LPAR1: variants seen among roughly 807,000 people sequenced by gnomAD.
The protein encoded by LPAR1 is lysophosphatidic acid receptor 1.
A neutral mutation model predicts 23.8 loss-of-function variants in LPAR1; 5 were observed. The ratio of observed to expected loss-of-function variants is 0.21; its 90% CI spans 0.11 to 0.44. LPAR1 has a LOEUF of 0.44. LPAR1 is among the 20% of genes least tolerant of loss of function. The pLI, the probability that LPAR1 is intolerant of heterozygous loss-of-function variation, is 0.99. For missense variants in LPAR1, 311 were observed against 482.8 expected, an observed-to-expected ratio of 0.64 and a Z score of 3.33; for synonymous variants, 160 against 164.7, an observed-to-expected ratio of 0.97 and a Z score of 0.22.
chr9:110,964,794 A>AGGATGT (rs1217931461), intron 4 of LPAR1, among the ~76,000 whole-genome samples: 1 of 148,922 alleles, frequency 6.7e-6, no homozygotes, highest in African/African-American at 2.5e-5. Context: ...GAGAGTACCT[A>AGGATGT]TTGGTAAGGA....
At chr9:110,889,685 G>T (rs886477849) in intron 5 of LPAR1, among the ~76,000 whole-genome samples, 1 of 152,202 alleles carries the variant, frequency 6.6e-6, no homozygotes, top group Admixed American at 6.5e-5. Flanking sequence ...CAGCTGAGCT[G>T]CTGGAAATTC....
intron 5 of LPAR1, among the ~76,000 whole-genome samples, chr9:110,907,869 A>G (rs370959087): frequency 6.6e-6 from 1 of 150,890 alleles, no homozygotes; most frequent in African/African-American, 2.4e-5. Flanking sequence ...CATCGGTTTA[A>G]TTGTTCTAAC....
intron 2 of LPAR1, among the ~76,000 whole-genome samples, chr9:111,026,880 C>G (rs368435707): frequency 1.3e-3 from 199 of 152,290 alleles, no homozygotes; most frequent in Non-Finnish European, 2.2e-3. Context: ...ATGAAGCCAA[C>G]TTGATTGTGG....
At chr9:110,944,235 G>T (rs1296021707) in intron 4 of LPAR1, among the ~76,000 whole-genome samples, 1 of 152,156 alleles carries the variant, frequency 6.6e-6, no homozygotes, top group East Asian at 1.9e-4. Flanking sequence ...GGGAATCACT[G>T]TATCATAATT....
In LPAR1 at chr9:111,027,197, A is replaced by G. The variant is rs572229140; in HGVS notation, c.-182+8925T>C. Among the ~76,000 whole-genome samples, 3 of 152,156 alleles carry G rather than the reference A, an allele frequency of 2.0e-5. No homozygotes were observed. The East Asian group carries it at 5.8e-4, about 29-fold the overall frequency. ...TGGTAGGCTATTAATTACTGCCTCA[A>G]TTTCAGAACGCTCCACCCCAAATCA... On this transcript the variant is annotated intron_variant, in intron 2 of 5. Transcript: ENST00000683809.
intron 2 of LPAR1, among the ~76,000 whole-genome samples, chr9:111,028,435 A>T (rs531052877): frequency 9.8e-5 from 15 of 152,304 alleles, no homozygotes; most frequent in African/African-American, 3.6e-4. Context: ...TACATTCCAC[A>T]TATTTTAAAA....
At chr9:110,977,850 A>AGGAAGGAG (rs2096589469) in intron 2 of LPAR1, among the ~76,000 whole-genome samples, 94 of 32,772 alleles carry the variant, frequency 2.9e-3, no homozygotes, top group Middle Eastern at 0.017. Flanking sequence ...GAAGGAGGGA[A>AGGAAGGAG]GGAAGGAAGG....
intron 4 of LPAR1, among the ~76,000 whole-genome samples, chr9:110,970,530 T>TCTTTATTCATATGATATGAATAAAGGG (rs540487964): frequency 2.6e-4 from 40 of 152,040 alleles, no homozygotes; most frequent in East Asian, 9.6e-4. Context: ...AGTACTTTAT[T>TCTTTATTCATATGATATGAATAAAGGG]CTTTATTCAT....
intron 4 of LPAR1, among the ~76,000 whole-genome samples, chr9:110,966,265 A>G (rs1034539605): frequency 1.3e-5 from 2 of 152,046 alleles, no homozygotes; most frequent in Non-Finnish European, 2.9e-5. Context: ...CGGATCACTA[A>G]GTCAGGAGTT....
chr9:110,969,839 T>C (rs2096356363), intron 4 of LPAR1, among the ~76,000 whole-genome samples: 1 of 152,234 alleles, frequency 6.6e-6, no homozygotes, highest in South Asian at 2.1e-4. Context: ...TTGCAACCAA[T>C]GCTTCAATGA....
intron 2 of LPAR1, among the ~76,000 whole-genome samples, chr9:111,034,671 G>T (rs563653065): frequency 6.6e-6 from 1 of 152,172 alleles, no homozygotes; most frequent in Non-Finnish European, 1.5e-5. Context: ...TACACGGATT[G>T]TAATGGAATA....
intron 5 of LPAR1, among the ~76,000 whole-genome samples, chr9:110,910,953 T>C (rs1465110462): frequency 2.6e-5 from 4 of 152,306 alleles, no homozygotes; most frequent in Admixed American, 2.6e-4. Context: ...ATTCTGGTTG[T>C]CAGTGTTGAA....
intron 5 of LPAR1, among the ~76,000 whole-genome samples, chr9:110,894,846 C>A (rs1203836132): frequency 1.4e-5 from 2 of 142,432 alleles, no homozygotes; most frequent in South Asian, 2.2e-4. Context: ...TGAAACCCTA[C>A]CTCCAGAAAA....
Position 110,941,728 on chromosome 9 carries a change from C to A in LPAR1, c.486G>T (p.Arg162=). Residue 162 remains arginine, a synonymous_variant, in exon 5 of 6, where the codon CGG becomes CGT. Transcript: ENST00000683809. The surrounding 1 kb of genome is among the most constrained non-coding windows in gnomAD (Gnocchi z 6.1). ...RMQLHTRMSN[R]RVVVVIVVIW... ...TGACCACAATGACCACCACTACCCG[C>A]CGGTTGCTCATCCGTGTGTGGAGCT... 4 of 1,614,194 alleles carry A rather than the reference C, an allele frequency of 2.5e-6. No homozygotes were observed. The highest frequency in any genetic ancestry group is 3.4e-6 in the Non-Finnish European group (4 of 1,180,020).
At chr9:110,905,116 A>G (rs542644414) in intron 5 of LPAR1, among the ~76,000 whole-genome samples, 3 of 145,364 alleles carry the variant, frequency 2.1e-5, no homozygotes, top group South Asian at 2.2e-4. Context: ...TAGATCAACT[A>G]TAACAAATCC....
intron 2 of LPAR1, among the ~76,000 whole-genome samples, chr9:111,001,958 A>G (rs188442335): frequency 3.9e-5 from 6 of 152,248 alleles, no homozygotes. Context: ...TACCCTGGAT[A>G]AAAACTTCCA....
In LPAR1 at chr9:110,875,503, G is replaced by A. The variant is rs2078876407; in HGVS notation, c.1013C>T (p.Thr338Ile). The A allele has an allele frequency of 1.2e-6, 2 of 1,614,154 alleles. No individual in the cohort carries two copies. The highest frequency in any genetic ancestry group is 2.2e-5 in the East Asian group (1 of 44,880). The change falls in exon 6 of 6, where the codon ACA becomes ATA. Residue 338 changes from threonine (T) to isoleucine (I), a missense_variant. This residue lies in a region of LPAR1 where 250 missense variants were observed against 427.2 expected (regional missense o/e 0.59). Coordinates refer to ENST00000683809, the MANE Select transcript of LPAR1 (RefSeq NM_001351411.2). ...GGAAGCCGAGCGGTCTGAGCCTTCTGTGGGGCCGGTGGGGTTCTCACTGCG... is the reference window on the plus strand; with the variant it reads ...GGAAGCCGAGCGGTCTGAGCCTTCTATGGGGCCGGTGGGGTTCTCACTGCG... ...CQRSENPTGPTEGSDRSASSL... is the reference protein window; with the variant it reads ...CQRSENPTGPIEGSDRSASSL...
rs546256005 is a variant in LPAR1 at position 110,875,488 on chromosome 9, C to T, written c.1028G>A (p.Arg343His). 1.1e-5 allele frequency: 17 copies of T among 1,613,972 alleles called. No homozygotes were observed. Among genetic ancestry groups the T allele is most frequent in the Admixed American group, 3.3e-5 (2 of 60,012 alleles). Residue 343 changes from arginine to histidine, a missense_variant, in exon 6 of 6, where the codon CGC becomes CAC. By Grantham distance (29) the Arg-to-His change is conservative. Transcript: ENST00000683809. Reference protein sequence around the residue: ...NPTGPTEGSDRSASSLNHTIL... With the variant: ...NPTGPTEGSDHSASSLNHTIL... ...GGTGTGGTTGAGGGAGGAAGCCGAG[C>T]GGTCTGAGCCTTCTGTGGGGCCGGT...
chr9:110,982,575 T>C (rs1000535493), intron 2 of LPAR1, among the ~76,000 whole-genome samples: 6 of 151,890 alleles, frequency 4.0e-5, no homozygotes, highest in East Asian at 1.9e-4. Flanking sequence ...TGTATACTTA[T>C]GTAACAAACC....
Sources: allele counts gnomAD v4.1 joint callset (sites outside exome capture counted in the v4.1 genomes callset), GRCh38; gene constraint gnomAD v4.1.1; regional missense constraint gnomAD v4.1.1; non-coding constraint Gnocchi (gnomAD v3.1); transcripts MANE v1.5; gene names NCBI Gene and HGNC (gene_info 2026-07-23, HGNC 2026-07-21).